Variants in LRRC25 observed in about 807,000 individuals in gnomAD.
LRRC25 encodes the protein leucine-rich repeat-containing protein 25.
Under a neutral mutation model 18.8 loss-of-function variants are expected in LRRC25, and 5 were observed. The ratio of observed to expected loss-of-function variants is 0.27; its 90% CI spans 0.14 to 0.56. LRRC25 has a LOEUF of 0.56. Ranked by LOEUF, LRRC25 falls within the 20% of genes least tolerant of loss-of-function variation. LRRC25 has a pLI of 0.93. For synonymous variants in LRRC25, 161 were observed against 176.8 expected, an observed-to-expected ratio of 0.91 and a Z score of 0.71; for missense variants, 341 against 389.8, an observed-to-expected ratio of 0.87 and a Z score of 1.05.
chr19:18,393,392 G>A (rs1303108531), intron 1 of LRRC25, among the ~76,000 whole-genome samples: 1 of 152,194 alleles, frequency 6.6e-6, no homozygotes, highest in African/African-American at 2.4e-5. Context: ...AGAGGCCAAG[G>A]TGGGCAGATC....
At chr19:18,392,808 G>C (rs1971918572) in intron 1 of LRRC25, among the ~76,000 whole-genome samples, 2 of 152,020 alleles carry the variant, frequency 1.3e-5, no homozygotes, top group African/African-American at 4.8e-5. Flanking sequence ...TGAGCAACAG[G>C]GTGAGACCCC....
At chr19:18,394,554 C>G (rs1428820096) in intron 1 of LRRC25, among the ~76,000 whole-genome samples, 1 of 152,174 alleles carries the variant, frequency 6.6e-6, no homozygotes, top group Admixed American at 6.5e-5. Context: ...ATCCTCCTGC[C>G]TTGGCCTCCC....
intron 1 of LRRC25, among the ~76,000 whole-genome samples, chr19:18,395,130 A>G (rs1032167319): frequency 7.2e-5 from 11 of 152,060 alleles, no homozygotes; most frequent in Admixed American, 5.9e-4. Context: ...CCAGCACTTA[A>G]GGAGGCTGAG....
intron 1 of LRRC25, among the ~76,000 whole-genome samples, chr19:18,392,639 G>C (rs1219397939): frequency 6.6e-6 from 1 of 152,138 alleles, no homozygotes; most frequent in Non-Finnish European, 1.5e-5. Context: ...ATTTAGGGAA[G>C]GTTCTGTGGG....
At position 18,391,755 on chromosome 19, in the gene LRRC25, G is replaced by A. The variant is rs6512262; in HGVS notation, c.*232C>T. ...TGATGACAGGATTGGCACAGTGACC[G>A]TCCTGTCCCCTTGTTGGGGGTCTCT... On this transcript the variant is annotated 3_prime_UTR_variant, in exon 2 of 2. Coordinates refer to ENST00000339007, the MANE Select transcript of LRRC25 (RefSeq NM_145256.3). 1 of 482,462 alleles carries A rather than the reference G, an allele frequency of 2.1e-6. No individual in the cohort carries two copies. The highest frequency in any genetic ancestry group is 5.7e-4 in the Middle Eastern group (1 of 1,744). 29.9% of individuals were successfully genotyped at this position (482,462 alleles called of 1,614,324 possible).
rs199813945 is a variant in LRRC25 at position 18,396,415 on chromosome 19, G to A, written c.549C>T (p.Gly183=). 44 of 1,613,366 alleles carry A rather than the reference G, an allele frequency of 2.7e-5. No homozygotes were observed. The highest frequency in any genetic ancestry group is 3.6e-5 in the Non-Finnish European group (42 of 1,180,030). The stretch of plus-strand genomic sequence containing the variant: ...GCCAGAGTCTCCAGGCCAGCACAGG[G>A]CCAGCGATGGCAAGTCCAAGAAGCA... ...GCLLLGLAIA[G]PVLAWRLWRC... is the part of the protein sequence containing the mutation. The change falls in exon 1 of 2, where the codon GGC becomes GGT. Residue 183 remains glycine (G), a synonymous_variant. Transcript: ENST00000339007.
Position 18,396,719 on chromosome 19 carries a change from G to A in LRRC25, c.245C>T (p.Ala82Val). ...CAGGACCTCAAGCTTCTGCAGGTGGGCAAAGAAGGTCACTGGAAGCTCTCG... is the reference window on the plus strand; with the variant it reads ...CAGGACCTCAAGCTTCTGCAGGTGGACAAAGAAGGTCACTGGAAGCTCTCG... ...GLRELPVTFF[A>V]HLQKLEVLNV... The change falls in exon 1 of 2, where the codon GCC (alanine) becomes GTC (valine). Residue 82 changes from alanine (A) to valine (V), a missense_variant. Transcript: ENST00000339007. 1.2e-6 allele frequency: 2 copies of A among 1,614,124 alleles called. No homozygotes were observed. Among genetic ancestry groups the A allele is most frequent in the East Asian group, 2.2e-5 (1 of 44,890 alleles).
chr19:18,394,336 C>G (rs1270896656), intron 1 of LRRC25, among the ~76,000 whole-genome samples: 1 of 143,078 alleles, frequency 7.0e-6, no homozygotes, highest in East Asian at 2.0e-4. Flanking sequence ...GACGGAGTCT[C>G]GCTCTGTCGC....
rs764794057 is a variant in LRRC25 at position 18,392,030 on chromosome 19, T to C, written c.875A>G (p.Gln292Arg). Residue 292 changes from glutamine (Q) to arginine (R), a missense_variant, in exon 2 of 2, where the codon CAG becomes CGG. Coordinates refer to ENST00000339007, the MANE Select transcript of LRRC25 (RefSeq NM_145256.3). Reference protein sequence around the residue: ...PVYCNLQSLGQAPMDEEEYVI... With the variant: ...PVYCNLQSLGRAPMDEEEYVI... The stretch of plus-strand genomic sequence containing the variant: ...GTACTCCTCTTCATCCATTGGGGCC[T>C]GGCCCAGTGACTGCAGGTTACAGTA... 5.6e-6 allele frequency: 9 copies of C among 1,613,986 alleles called. No homozygotes were observed. In the African/African-American group the frequency reaches 1.1e-4, roughly 19 times the overall value.
chr19:18,396,493 G>A lies in LRRC25; in HGVS notation c.471C>T (p.Cys157=), dbSNP rs781669189. 36 of 1,613,362 alleles carry A rather than the reference G, an allele frequency of 2.2e-5. No individual in the cohort carries two copies. The African/African-American group carries it at 4.0e-4, about 18-fold the overall frequency. ...HNLSAFLEVS[C]APGLASATIG... is the part of the protein sequence containing the mutation. ...TAGTTGCAGAGGCCAGGCCAGGGGC[G>A]CAGCTGACCTCCAGGAAGGCAGAGA... Residue 157 remains cysteine (C), a synonymous_variant, in exon 1 of 2, where the codon TGC becomes TGT. Transcript: ENST00000339007.
rs1432237124 is a variant in LRRC25 at position 18,396,487 on chromosome 19, A to G, written c.477T>C (p.Pro159=). 2 of 1,613,526 alleles carry G rather than the reference A, an allele frequency of 1.2e-6. No homozygotes were observed. Among genetic ancestry groups the G allele is most frequent in the South Asian group, 2.2e-5 (2 of 91,080 alleles). ...CCCCGATAGTTGCAGAGGCCAGGCC[A>G]GGGGCGCAGCTGACCTCCAGGAAGG... ...LSAFLEVSCA[P]GLASATIGAV... Residue 159 remains proline, a synonymous_variant, in exon 1 of 2, where the codon CCT becomes CCC. Transcript: ENST00000339007.
At position 18,396,438 on chromosome 19, in the gene LRRC25, G is replaced by C. The variant is rs1221989819; in HGVS notation, c.526C>G (p.Leu176Val). The stretch of plus-strand genomic sequence containing the variant: ...GGGCCAGCGATGGCAAGTCCAAGAA[G>C]CAGGCACCCGCTGACCACCACTGCC... ...IGAVVVSGCL[L>V]LGLAIAGPVL... is the part of the protein sequence containing the mutation. Residue 176 changes from leucine (L) to valine (V), a missense_variant, in exon 1 of 2, where the codon CTT becomes GTT. Transcript: ENST00000339007. 1 of 1,613,470 alleles carries C rather than the reference G, an allele frequency of 6.2e-7. No homozygotes were observed. The highest frequency in any genetic ancestry group is 8.5e-7 in the Non-Finnish European group (1 of 1,180,038).
At chr19:18,393,536 ACT>A (rs1971927170) in intron 1 of LRRC25, among the ~76,000 whole-genome samples, 1 of 151,930 alleles carries the variant, frequency 6.6e-6, no homozygotes, top group Non-Finnish European at 1.5e-5. Context: ...CAGGAGAATC[ACT>A]TGAACCCGGG....
At position 18,393,498 on chromosome 19, in the gene LRRC25, C is replaced by T. The variant is rs372005854; in HGVS notation, c.780-1373G>A. ...GTGTGATGGTGGGCGCCTGTAATCC[C>T]AGCTACTCGGGAGGCTGAGGCAGGA... is the stretch of plus-strand genomic sequence containing the variant. On this transcript the variant is annotated intron_variant, in intron 1 of 1. Transcript: ENST00000339007. 7.2e-5 allele frequency among the ~76,000 whole-genome samples: 11 copies of T among 152,186 alleles called. No homozygotes were observed. The East Asian group carries it at 1.4e-3, about 19-fold the overall frequency.
rs1971903767 is a variant in LRRC25 at position 18,391,872 on chromosome 19, C to T, written c.*115G>A. 2.3e-6 allele frequency: 3 copies of T among 1,325,748 alleles called. No individual in the cohort carries two copies. 82.1% of individuals were successfully genotyped at this position (1,325,748 alleles called of 1,614,324 possible). On this transcript the variant is annotated 3_prime_UTR_variant, in exon 2 of 2. Transcript: ENST00000339007. ...GCTTCCTGGGGCCTCAAGGACAATC[C>T]TTTCCTGTACCCATTCTTCAGATGG...
At chr19:18,394,105 C>T (rs1349785278) in intron 1 of LRRC25, among the ~76,000 whole-genome samples, 3 of 151,986 alleles carry the variant, frequency 2.0e-5, no homozygotes, top group Non-Finnish European at 4.4e-5. Context: ...CAGCCATGGC[C>T]GCGGCCCCTT....
intron 1 of LRRC25, among the ~76,000 whole-genome samples, chr19:18,394,657 G>C (rs1971945457): frequency 6.6e-6 from 1 of 152,158 alleles, no homozygotes; most frequent in Non-Finnish European, 1.5e-5. Flanking sequence ...GGTCAGGCTG[G>C]TCTTGAGGTC....
At chr19:18,395,154 G>T (rs532195557) in intron 1 of LRRC25, among the ~76,000 whole-genome samples, 2 of 152,046 alleles carry the variant, frequency 1.3e-5, no homozygotes, top group Non-Finnish European at 2.9e-5. Context: ...GGCGGATCAC[G>T]AGGTCAGGAG....
At position 18,396,345 on chromosome 19, in the gene LRRC25, C is replaced by T. The variant is rs766055697; in HGVS notation, c.619G>A (p.Ala207Thr). 2.5e-6 allele frequency: 4 copies of T among 1,613,862 alleles called. No homozygotes were observed. The Admixed American group carries it at 5.0e-5, about 20-fold the overall frequency. The change falls in exon 1 of 2, where the codon GCT becomes ACT. Residue 207 changes from alanine (A) to threonine (T), a missense_variant. Transcript: ENST00000339007. ...RSRELNKPWA[A>T]QDGPKPGLGL... Reference sequence around the variant, plus strand: ...AAACCGGGCTTGGGCCCATCCTGAGCAGCCCAGGGTTTGTTCAGCTCCCGG... The same window carrying T: ...AAACCGGGCTTGGGCCCATCCTGAGTAGCCCAGGGTTTGTTCAGCTCCCGG...
Sources: gnomAD v4.1 joint callset for allele counts (sites outside exome capture counted in the v4.1 genomes callset) on GRCh38, gnomAD v4.1.1 for gene constraint, MANE v1.5 for transcripts, NCBI Gene and HGNC (gene_info 2026-07-23, HGNC 2026-07-21) for gene names.